Variants in FREM1 observed in about 807,000 individuals in gnomAD.
FREM1 encodes FRAS1-related extracellular matrix protein 1.
FREM1 carries 220 observed loss-of-function variants against 210.1 expected under a neutral mutation model. The observed-to-expected ratio is 1.05, with a 90% CI of 0.94 to 1.17. FREM1 has a LOEUF of 1.17. Among genes scored for constraint, FREM1 ranks in the 50% most tolerant of loss-of-function variants. The pLI is 0.00. For synonymous variants in FREM1, 1,189 were observed against 980.2 expected, an observed-to-expected ratio of 1.21 and a Z score of -3.98; for missense variants, 3,454 against 2,675.5, an observed-to-expected ratio of 1.29 and a Z score of -6.42.
chr9:14,870,194 G>A (rs1832340484), intron 1 of FREM1, among the ~76,000 whole-genome samples: 1 of 152,198 alleles, frequency 6.6e-6, no homozygotes, highest in Non-Finnish European at 1.5e-5. Flanking sequence ...CAAAATGAAT[G>A]TTTGTCAGAA....
rs749615938 is a variant in FREM1, at chr9:14,788,900, T to C, written c.4177+19A>G. ...TTAGCAAAGTTGATCCCAGTAAACC[T>C]TGGTAGACGTGCTTTTACCTTTTTC... is the stretch of plus-strand genomic sequence containing the variant. On this transcript the variant is annotated intron_variant, in intron 23 of 36. Coordinates refer to ENST00000380880, the MANE Select transcript of FREM1 (RefSeq NM_001379081.2). 4.4e-6 allele frequency: 7 copies of C among 1,600,388 alleles called. No individual in the cohort carries two copies. The South Asian group carries it at 6.8e-5, about 16-fold the overall frequency.
chr9:14,902,158 T>C (rs960710530), intron 1 of FREM1, among the ~76,000 whole-genome samples: 5 of 152,168 alleles, frequency 3.3e-5, no homozygotes, highest in African/African-American at 1.2e-4. Context: ...TGTTAATTAA[T>C]ATGGAATTTC....
intron 7 of FREM1, among the ~76,000 whole-genome samples, chr9:14,848,030 G>A (rs1389198895): frequency 6.6e-6 from 1 of 152,124 alleles, no homozygotes; most frequent in African/African-American, 2.4e-5. Context: ...TGCCACCTGA[G>A]GATTTAAATC....
rs746657505 is a variant in FREM1 at position 14,801,695 on chromosome 9, T to C, written c.3651A>G (p.Lys1217=). The change falls in exon 20 of 37, where the codon AAA becomes AAG. Residue 1217 remains lysine (K), a synonymous_variant. Coordinates refer to ENST00000380880, the MANE Select transcript of FREM1 (RefSeq NM_001379081.2). ...ENKQPANPHQ[K]HAPVHSFSME... ...TGGAAAAGCTGTGAACAGGTGCATG[T>C]TTCTGGTGAGGGTTGGCTGGCTGCT... 6.2e-7 allele frequency: 1 copy of C among 1,614,008 alleles called. No homozygotes were observed. The highest frequency in any genetic ancestry group is 8.5e-7 in the Non-Finnish European group (1 of 1,179,876).
intron 29 of FREM1, among the ~76,000 whole-genome samples, chr9:14,756,086 G>A (rs914963028): frequency 6.6e-6 from 1 of 152,078 alleles, no homozygotes; most frequent in Non-Finnish European, 1.5e-5. Context: ...TAATTTCTAA[G>A]TGACTGTATT....
chr9:14,864,226 C>T (rs1005244097), intron 2 of FREM1, among the ~76,000 whole-genome samples: 9 of 152,282 alleles, frequency 5.9e-5, no homozygotes, highest in Non-Finnish European at 1.2e-4. Flanking sequence ...TTTCATTTTT[C>T]GAAATTTTAT....
chr9:14,777,645 G>A (rs899240265), intron 24 of FREM1, among the ~76,000 whole-genome samples: 2 of 112,390 alleles, frequency 1.8e-5, no homozygotes, highest in East Asian at 2.2e-4. Context: ...TATTTTCTTT[G>A]GAAGTTCTTT....
chr9:14,907,989 C>A (rs1363590667), intron 1 of FREM1, among the ~76,000 whole-genome samples: 1 of 152,178 alleles, frequency 6.6e-6, no homozygotes, highest in Non-Finnish European at 1.5e-5. Context: ...TGCATGCCAT[C>A]CCCAGTGGGC....
intron 2 of FREM1, 146 bp downstream of exon 2, chr9:14,868,598 C>T (rs1831979516): frequency 1.6e-6 from 1 of 622,238 alleles, no homozygotes; most frequent in Admixed American, 2.6e-5. Flanking sequence ...ATTGCAAGTC[C>T]ACCATTTCAA....
At chr9:14,776,749 A>G (rs1848656626) in intron 24 of FREM1, among the ~76,000 whole-genome samples, 1 of 152,188 alleles carries the variant, frequency 6.6e-6, no homozygotes, top group African/African-American at 2.4e-5. Flanking sequence ...CATTTCTCAG[A>G]CATGTAATCT....
At chr9:14,799,486 T>G (rs1029782848) in intron 20 of FREM1, among the ~76,000 whole-genome samples, 1 of 152,106 alleles carries the variant, frequency 6.6e-6, no homozygotes, top group African/African-American at 2.4e-5. Context: ...AAATACTAAT[T>G]TTTATGTAGG....
intron 1 of FREM1, among the ~76,000 whole-genome samples, chr9:14,905,232 C>A (rs1188981086): frequency 2.6e-5 from 4 of 152,096 alleles, no homozygotes; most frequent in Middle Eastern, 3.2e-3. Context: ...AGTTGAGTGA[C>A]TAAATGCAAA....
At chr9:14,860,095 G>A (rs984555267) in intron 3 of FREM1, among the ~76,000 whole-genome samples, 6 of 152,130 alleles carry the variant, frequency 3.9e-5, no homozygotes, top group African/African-American at 1.4e-4. Flanking sequence ...TGATATGCAT[G>A]CATCAATAAT....
intron 10 of FREM1, among the ~76,000 whole-genome samples, chr9:14,830,233 T>G (rs1252424434): frequency 6.6e-6 from 1 of 151,940 alleles, no homozygotes; most frequent in Non-Finnish European, 1.5e-5. Context: ...GCTGGTGGAG[T>G]ATTATATTGT....
At chr9:14,762,326 T>A (rs762517520) in intron 27 of FREM1, among the ~76,000 whole-genome samples, 14 of 152,226 alleles carry the variant, frequency 9.2e-5, no homozygotes, top group African/African-American at 1.4e-4. Context: ...CAAATGAGTT[T>A]CAATGTCCAA....
chr9:14,746,426 A>T lies in FREM1; in HGVS notation c.6181T>A (p.Ser2061Thr). 1 of 1,613,874 alleles carries T rather than the reference A, an allele frequency of 6.2e-7. No individual in the cohort carries two copies. Among genetic ancestry groups the T allele is most frequent in the Non-Finnish European group, 8.5e-7 (1 of 1,179,778 alleles). Residue 2061 changes from serine to threonine, a missense_variant, in exon 35 of 37, where the codon TCA (serine) becomes ACA (threonine). By Grantham distance (58) the Ser-to-Thr change is moderately conservative. Coordinates refer to ENST00000380880, the MANE Select transcript of FREM1 (RefSeq NM_001379081.2). ...GTGATCAAGATGTGACAGTAGCCTG[A>T]GTGCTGGTGCCACCCGGCTGGACAG... ...KSCPAGWHQH[S>T]GYCHILITEQ...
intron 1 of FREM1, among the ~76,000 whole-genome samples, chr9:14,875,743 G>A (rs1833592287): frequency 6.6e-6 from 1 of 151,674 alleles, no homozygotes; most frequent in South Asian, 2.1e-4. Context: ...TGGAGGAGGA[G>A]AGGCGCTCTG....
In FREM1 at chr9:14,801,720, T is replaced by C; in HGVS notation, c.3626A>G (p.Lys1209Arg). 6.2e-7 allele frequency: 1 copy of C among 1,613,984 alleles called. No homozygotes were observed. Among genetic ancestry groups the C allele is most frequent in the East Asian group, 2.2e-5 (1 of 44,876 alleles). The change falls in exon 20 of 37, where the codon AAG becomes AGG. Residue 1209 changes from lysine (K) to arginine (R), a missense_variant. Transcript: ENST00000380880. ...TTTCTGGTGAGGGTTGGCTGGCTGCTTATTCTCAGAGAAGTCTTTGCTAAA... is the reference window on the plus strand; with the variant it reads ...TTTCTGGTGAGGGTTGGCTGGCTGCCTATTCTCAGAGAAGTCTTTGCTAAA... Reference protein sequence around the residue: ...RGFSKDFSENKQPANPHQKHA... With the variant: ...RGFSKDFSENRQPANPHQKHA...
intron 35 of FREM1, among the ~76,000 whole-genome samples, chr9:14,743,220 T>A (rs574383998): frequency 7.2e-5 from 11 of 152,248 alleles, no homozygotes; most frequent in African/African-American, 2.6e-4. Context: ...TGCTTTTAAA[T>A]TAATTTAGGC....
Sources: gnomAD v4.1 joint callset for allele counts (sites outside exome capture counted in the v4.1 genomes callset) on GRCh38, gnomAD v4.1.1 for gene constraint, MANE v1.5 for transcripts, NCBI Gene and HGNC (gene_info 2026-07-23, HGNC 2026-07-21) for gene names.